Variants in LGALS3 observed in about 807,000 individuals in gnomAD.
The protein encoded by LGALS3 is galectin-3.
In LGALS3, 18 loss-of-function variants were observed where a neutral mutation model predicts 20.7. The ratio of observed to expected loss-of-function variants is 0.87; its 90% confidence interval spans 0.60 to 1.29. The LOEUF (loss-of-function observed/expected upper bound fraction) is 1.29. Ranked by LOEUF, LGALS3 falls within the 50% of genes most tolerant of loss-of-function variation. The pLI is 0.00. For synonymous variants in LGALS3, 112 were observed against 119.6 expected (o/e 0.94, Z 0.42); for missense variants, 315 against 314.7 (o/e 1.00, Z -0.01).
At chr14:55,142,125 T>A (rs1299427730) in intron 4 of LGALS3, among the ~76,000 whole-genome samples, 1 of 152,252 alleles carries the variant, frequency 6.6e-6, no homozygotes, top group East Asian at 1.9e-4. Context: ...TGGTTAATTA[T>A]GAGGAAGCCA....
intron 5 of LGALS3, among the ~76,000 whole-genome samples, chr14:55,144,737 T>C (rs1162836527): frequency 1.3e-5 from 2 of 152,114 alleles, no homozygotes; most frequent in Admixed American, 6.5e-5. Context: ...GCTAATTTTT[T>C]GTATTTTCAG....
chr14:55,141,339 C>A (rs576010506), intron 4 of LGALS3, among the ~76,000 whole-genome samples: 1 of 152,178 alleles, frequency 6.6e-6, no homozygotes, highest in Non-Finnish European at 1.5e-5. Context: ...AAAATATATA[C>A]ATCCTCTACC....
chr14:55,145,244 C>T lies in LGALS3; in HGVS notation c.726C>T (p.Leu242=). 6.2e-7 allele frequency: 1 copy of T among 1,613,256 alleles called. No individual in the cohort carries two copies. Among genetic ancestry groups the T allele is most frequent in the Non-Finnish European group, 8.5e-7 (1 of 1,179,792 alleles). ...TGGGAATTTCTGGTGACATAGACCT[C>T]ACCAGTGCTTCATATACCATGATAT... The part of the protein sequence containing the change: ...SKLGISGDID[L]TSASYTMI Residue 242 remains leucine, a synonymous_variant, in exon 6 of 6, where the codon CTC becomes CTT. Transcript: ENST00000254301.
At chr14:55,142,539 G>T in intron 4 of LGALS3, 45 bp from the exon 5 acceptor site, 1 of 1,511,324 alleles carries the variant, frequency 6.6e-7, no homozygotes, top group Non-Finnish European at 9.2e-7. Context: ...CAGTGCAAAT[G>T]TACAGCTTTA....
At chr14:55,144,098 A>G (rs1253999834) in intron 5 of LGALS3, among the ~76,000 whole-genome samples, 1 of 152,174 alleles carries the variant, frequency 6.6e-6, no homozygotes, top group East Asian at 1.9e-4. Flanking sequence ...TGCCAGAGGA[A>G]TCCTATTTTC....
chr14:55,140,254 T>G lies in LGALS3; in HGVS notation c.343-21T>G, dbSNP rs79515515. 14,918 of 1,510,854 alleles carry G rather than the reference T, an allele frequency of 9.9e-3. 96 individuals are homozygous for G. Among genetic ancestry groups the G allele is most frequent in the Non-Finnish European group, 0.012 (12,710 of 1,087,318 alleles). 93.6% of individuals were successfully genotyped at this position (1,510,854 alleles called of 1,614,324 possible). A position where few individuals can be genotyped will look rare whatever the true frequency, so the allele number is the denominator to read the frequency against. On this transcript the variant is annotated intron_variant, in intron 3 of 5. Transcript: ENST00000254301. ...AGAAACATGACTCCTTATTGACACA[T>G]ATGTACTTGTTAATTCCCAGATTGT...
intron 5 of LGALS3, chr14:55,143,370 C>A: frequency 6.2e-6 from 2 of 321,314 alleles, no homozygotes; most frequent in South Asian, 2.3e-5. Flanking sequence ...AAATAAGGAC[C>A]ACAGTCTACA....
rs1881168727 is a variant in LGALS3, at chr14:55,129,661, G to T, written c.-5+361G>T. Among the ~76,000 whole-genome samples, 1 of 152,182 alleles carries T rather than the reference G, an allele frequency of 6.6e-6. No individual in the cohort carries two copies. The highest frequency in any genetic ancestry group is 6.5e-5 in the Admixed American group (1 of 15,282). The stretch of plus-strand genomic sequence containing the variant: ...TGCGGCCCCAGAGTAAGCCCCATCC[G>T]GTGACGAGCCGCAGTCTGGTCACCC... On this transcript the variant is annotated intron_variant, in intron 1 of 5. Coordinates refer to ENST00000254301, the MANE Select transcript of LGALS3 (RefSeq NM_002306.4). The surrounding 1 kb of genome is among the most constrained non-coding windows in gnomAD (Gnocchi z 5.3).
At chr14:55,135,558 TG>T (rs202132153) in intron 1 of LGALS3, among the ~76,000 whole-genome samples, 7 of 131,104 alleles carry the variant, frequency 5.3e-5, no homozygotes, top group African/African-American at 1.7e-4. Context: ...TAATATTTTA[TG>T]GTTTTTTTTT....
chr14:55,131,705 C>T (rs886562309), intron 1 of LGALS3, among the ~76,000 whole-genome samples: 2 of 152,162 alleles, frequency 1.3e-5, no homozygotes, highest in Admixed American at 6.5e-5. Flanking sequence ...ACTTCCAGTT[C>T]GCTATTGACC....
At chr14:55,134,808 G>A (rs1373660599) in intron 1 of LGALS3, among the ~76,000 whole-genome samples, 2 of 152,154 alleles carry the variant, frequency 1.3e-5, no homozygotes, top group African/African-American at 4.8e-5. Context: ...TGGAAAATGG[G>A]CATGGTCATA....
chr14:55,140,215 C>T (rs769139374), intron 3 of LGALS3, 60 bp from the exon 4 acceptor site: 4 of 1,082,502 alleles, frequency 3.7e-6, no homozygotes, highest in South Asian at 2.6e-5. Flanking sequence ...TTAGCAACAT[C>T]GTTTTTTCCC....
intron 4 of LGALS3, among the ~76,000 whole-genome samples, chr14:55,140,862 G>C (rs207474862): frequency 6.6e-6 from 1 of 152,288 alleles, no homozygotes; most frequent in Admixed American, 6.5e-5. Context: ...GGCTAGGATG[G>C]GGTGAGGCTT....
chr14:55,143,171 CCTAT>C (rs565656049), intron 5 of LGALS3, among the ~76,000 whole-genome samples: 10 of 152,216 alleles, frequency 6.6e-5, no homozygotes, highest in Non-Finnish European at 1.2e-4. Context: ...AACAAAGTTT[CCTAT>C]CTTTTACTCC....
At chr14:55,139,795 G>C (rs1272554745) in intron 3 of LGALS3, among the ~76,000 whole-genome samples, 1 of 152,192 alleles carries the variant, frequency 6.6e-6, no homozygotes, top group East Asian at 1.9e-4. Context: ...AGTGTTAACA[G>C]TGTTCATTCC....
chr14:55,131,747 G>A (rs1881238807), intron 1 of LGALS3, among the ~76,000 whole-genome samples: 2 of 152,198 alleles, frequency 1.3e-5, no homozygotes, highest in Admixed American at 1.3e-4. Context: ...GAACTGTTCA[G>A]CTTTTCCGTA....
At chr14:55,143,894 AG>A (rs1244755528) in intron 5 of LGALS3, among the ~76,000 whole-genome samples, 3 of 152,060 alleles carry the variant, frequency 2.0e-5, no homozygotes, top group African/African-American at 7.2e-5. Flanking sequence ...GCTTCCTAGA[AG>A]CAAGTCTTCT....
chr14:55,140,468 A>T (rs1385879482), intron 4 of LGALS3, 105 bp downstream of exon 4: 1 of 642,770 alleles, frequency 1.6e-6, no homozygotes, highest in African/African-American at 1.8e-5. Context: ...TGCTATTTTG[A>T]ATTTTAGTAA....
rs1245358724 is a variant in LGALS3, at chr14:55,139,410, G to A, written c.343-865G>A. ...CACACTTGTTGAATTTGAGGCACTA[G>A]CAGCAAATCTAGGTGGGAGGAAGTA... On this transcript the variant is annotated intron_variant, in intron 3 of 5. Transcript: ENST00000254301. Among the ~76,000 whole-genome samples the A allele has an allele frequency of 3.3e-5, 5 of 152,214 alleles. No homozygotes were observed. In the South Asian group the frequency reaches 1.0e-3, roughly 32 times the overall value.
Sources: gnomAD v4.1 joint callset for allele counts (sites outside exome capture counted in the v4.1 genomes callset) on GRCh38, gnomAD v4.1.1 for gene constraint, Gnocchi (gnomAD v3.1) non-coding constraint, MANE v1.5 for transcripts, NCBI Gene and HGNC (gene_info 2026-07-23, HGNC 2026-07-21) for gene names.